The following PHACTR2 variants were observed in gnomAD, a reference collection of about 807,000 sequenced individuals.
PHACTR2 encodes phosphatase and actin regulator 2, also known as chromosome 6 open reading frame 56.
PHACTR2 carries 30 observed loss-of-function variants against 76.0 expected under a neutral mutation model. That is an observed-to-expected ratio of 0.39 (90% CI 0.30 to 0.54). The LOEUF is 0.54. Ranked by LOEUF, PHACTR2 falls within the 20% of genes least tolerant of loss-of-function variation. The pLI is 0.61. For missense variants in PHACTR2, 696 were observed against 781.1 expected (o/e 0.89, Z 1.30); for synonymous variants, 292 against 292.5 (o/e 1.00, Z 0.02).
upstream of PHACTR2, among the ~76,000 whole-genome samples, chr6:143,673,671 C>G (rs376688198): frequency 1.1e-4 from 16 of 152,074 alleles, no homozygotes; most frequent in Non-Finnish European, 2.1e-4. Context: ...AAATTACAGA[C>G]GCTTTTCCTC....
intron 11 of PHACTR2, among the ~76,000 whole-genome samples, chr6:143,790,822 C>T (rs896894010): frequency 1.4e-4 from 21 of 152,106 alleles, no homozygotes; most frequent in Admixed American, 7.2e-4. Context: ...TACAGGCGCC[C>T]GCCACCACGC....
chr6:143,682,984 A>G (rs1777432230), intron 1 of PHACTR2, among the ~76,000 whole-genome samples: 1 of 152,168 alleles, frequency 6.6e-6, no homozygotes, highest in African/African-American at 2.4e-5. Flanking sequence ...TTGTCATGTT[A>G]CGTTAATTGA....
chr6:143,822,439 C>T lies in PHACTR2; in HGVS notation c.1923-1235C>T, dbSNP rs1582915773. 6.6e-6 allele frequency among the ~76,000 whole-genome samples: 1 copy of T among 152,204 alleles called. No individual in the cohort carries two copies. The highest frequency in any genetic ancestry group is 2.4e-5 in the African/African-American group (1 of 41,520). On this transcript the variant is annotated intron_variant, in intron 12 of 12. Transcript: ENST00000440869. The surrounding 1 kb of genome is among the most constrained non-coding windows in gnomAD (Gnocchi z 5.5). ...CAGCACTGTGGAAGGCAAAGGTGGGCAAATCGCTTGAGACCAGGAGTTCAA... is the reference window on the plus strand; with the variant it reads ...CAGCACTGTGGAAGGCAAAGGTGGGTAAATCGCTTGAGACCAGGAGTTCAA...
chr6:143,783,867 T>C lies in PHACTR2; in HGVS notation c.1707+587T>C, dbSNP rs1775489221. Among the ~76,000 whole-genome samples, 2 of 152,040 alleles carry C rather than the reference T, an allele frequency of 1.3e-5. No homozygotes were observed. The highest frequency in any genetic ancestry group is 4.8e-5 in the African/African-American group (2 of 41,388). The stretch of plus-strand genomic sequence containing the variant: ...TGCATGTATTTCCATTTTAAAAAAT[T>C]GTTTTGAGTCAGGTGCAATGGCACG... On this transcript the variant is annotated intron_variant, in intron 10 of 12. Transcript: ENST00000440869. This position sits in a 1 kb window ranked among gnomAD's most constrained non-coding sequence, Gnocchi z 5.2.
At chr6:143,707,694 A>C (rs565412673) in intron 1 of PHACTR2, among the ~76,000 whole-genome samples, 1 of 152,226 alleles carries the variant, frequency 6.6e-6, no homozygotes, top group Admixed American at 6.5e-5. Context: ...AGGGAAGACT[A>C]TTCAAACCTA....
chr6:143,540,330 G>A (rs1239393079), intron 1 of PHACTR2, among the ~76,000 whole-genome samples: 2 of 152,072 alleles, frequency 1.3e-5, no homozygotes, highest in African/African-American at 4.8e-5. Flanking sequence ...CTTGCCAAGA[G>A]TTGTCAGAGA....
At chr6:143,574,574 T>C (rs1307189869) in intron 1 of PHACTR2, among the ~76,000 whole-genome samples, 1 of 152,194 alleles carries the variant, frequency 6.6e-6, no homozygotes, top group Non-Finnish European at 1.5e-5. Flanking sequence ...TTGCTTGAAA[T>C]TTCTTCTTAT....
rs2128457346 is a variant in PHACTR2, at chr6:143,696,566, A to T, written c.47-15450A>T. ...TGAGGAAGGGACTCTGAAAGGTTGA[A>T]TTACAGACCTAAGGTTACCAGCTAG... On this transcript the variant is annotated intron_variant, in intron 1 of 12. Coordinates refer to ENST00000440869, the MANE Select transcript of PHACTR2 (RefSeq NM_001100164.2). The surrounding 1 kb of genome is among the most constrained non-coding windows in gnomAD (Gnocchi z 4.1). Among the ~76,000 whole-genome samples, 1 of 152,292 alleles carries T rather than the reference A, an allele frequency of 6.6e-6. No homozygotes were observed. Among genetic ancestry groups the T allele is most frequent in the Admixed American group, 6.5e-5 (1 of 15,288 alleles).
At chr6:143,813,908 T>G (rs1776241041) in intron 12 of PHACTR2, among the ~76,000 whole-genome samples, 1 of 152,178 alleles carries the variant, frequency 6.6e-6, no homozygotes. Context: ...ACGTATAACT[T>G]TTGATTCTCC....
At chr6:143,584,032 A>T (rs1371736432) in intron 1 of PHACTR2, among the ~76,000 whole-genome samples, 1 of 152,236 alleles carries the variant, frequency 6.6e-6, no homozygotes, top group South Asian at 2.1e-4. Context: ...CTGGCAGGCT[A>T]TCTTCCTGAA....
At chr6:143,636,657 A>G (rs1776460548) in intron 1 of PHACTR2, among the ~76,000 whole-genome samples, 1 of 152,218 alleles carries the variant, frequency 6.6e-6, no homozygotes, top group Non-Finnish European at 1.5e-5. Context: ...ATGCCTTTAA[A>G]CATTGCCCAT....
chr6:143,551,029 C>A (rs1329792191), intron 1 of PHACTR2, among the ~76,000 whole-genome samples: 1 of 151,808 alleles, frequency 6.6e-6, no homozygotes, highest in Non-Finnish European at 1.5e-5. Flanking sequence ...AAAGTGAAAT[C>A]CTGTCTCCAA....
intron 1 of PHACTR2, among the ~76,000 whole-genome samples, chr6:143,693,004 C>T (rs1462790378): frequency 6.6e-6 from 1 of 152,136 alleles, no homozygotes; most frequent in African/African-American, 2.4e-5. Context: ...CCTCTGTGTC[C>T]TCATATGGTC....
intron 11 of PHACTR2, among the ~76,000 whole-genome samples, chr6:143,804,915 C>T (rs767200537): frequency 6.6e-5 from 10 of 152,308 alleles, no homozygotes; most frequent in Admixed American, 6.5e-4. Flanking sequence ...ATTGACTCTA[C>T]AGTGTACAAA....
Position 143,710,885 on chromosome 6 carries a change from G to A in PHACTR2, c.47-1131G>A. The A allele has an allele frequency of 2.6e-6, 1 of 390,584 alleles. No individual in the cohort carries two copies. Among genetic ancestry groups the A allele is most frequent in the Non-Finnish European group, 4.9e-6 (1 of 204,504 alleles). The allele number at this position is 390,584 out of a possible 1,614,324, so 24.2% of individuals were successfully genotyped here. On this transcript the variant is annotated intron_variant, in intron 1 of 12. Transcript: ENST00000440869. This position sits in a 1 kb window ranked among gnomAD's most constrained non-coding sequence, Gnocchi z 4.9. ...AGCTGGATTCAACACTTAACATTTT[G>A]CTATATTTTACTTTATTGCACTTTT...
rs76200315 is a variant in PHACTR2 at position 143,782,902 on chromosome 6, A to T, written c.1646-317A>T. 0.097 allele frequency among the ~76,000 whole-genome samples: 14,814 copies of T among 152,176 alleles called. 992 individuals are homozygous for T. The highest frequency in any genetic ancestry group is 0.26 in the East Asian group (1,333 of 5,178). ...AAATGATCAGCAATAGAGGGCTTTC[A>T]TTAGAATATGGGCACTCCTGTGGTT... On this transcript the variant is annotated intron_variant, in intron 9 of 12. Transcript: ENST00000440869. The surrounding 1 kb of genome is among the most constrained non-coding windows in gnomAD (Gnocchi z 4.6).
chr6:143,560,896 T>C (rs920616776), intron 1 of PHACTR2, among the ~76,000 whole-genome samples: 2 of 149,484 alleles, frequency 1.3e-5, no homozygotes, highest in African/African-American at 4.9e-5. Flanking sequence ...TGTGTGTGTG[T>C]GTGTGTGTGT....
chr6:143,753,628 G>T lies in PHACTR2; in HGVS notation c.296-126G>T, dbSNP rs1779233910. 1 of 638,666 alleles carries T rather than the reference G, an allele frequency of 1.6e-6. No homozygotes were observed. Among genetic ancestry groups the T allele is most frequent in the South Asian group, 2.1e-5 (1 of 47,872 alleles). 39.6% of individuals were successfully genotyped at this position (638,666 alleles called of 1,614,324 possible). The stretch of plus-strand genomic sequence containing the variant: ...TTGTTTTGAATAAACCGGTGAAACA[G>T]TGCAGGGTGTATTTGGTTCCCAGGG... On this transcript the variant is annotated intron_variant, in intron 3 of 12. Coordinates refer to ENST00000440869, the MANE Select transcript of PHACTR2 (RefSeq NM_001100164.2). This position sits in a 1 kb window ranked among gnomAD's most constrained non-coding sequence, Gnocchi z 4.6.
At chr6:143,634,950 A>C (rs1340536665) in intron 1 of PHACTR2, among the ~76,000 whole-genome samples, 3 of 152,160 alleles carry the variant, frequency 2.0e-5, no homozygotes, top group Non-Finnish European at 4.4e-5. Flanking sequence ...AGACTAATTT[A>C]GATAGCCTGA....
Sources: allele counts gnomAD v4.1 joint callset (sites outside exome capture counted in the v4.1 genomes callset), GRCh38; gene constraint gnomAD v4.1.1; non-coding constraint Gnocchi (gnomAD v3.1); transcripts MANE v1.5; gene names NCBI Gene and HGNC (gene_info 2026-07-23, HGNC 2026-07-21).